JADE3: variants seen among roughly 807,000 people sequenced by gnomAD.
The protein encoded by JADE3 is protein Jade-3.
A neutral mutation model predicts 50.1 loss-of-function variants in JADE3; 2 were observed. The observed-to-expected ratio is 0.04, with a 90% confidence interval of 0.02 to 0.13. JADE3 has a LOEUF of 0.13. JADE3 is among the 10% of genes least tolerant of loss of function. JADE3 has a pLI of 1.00. For missense variants in JADE3, 475 were observed against 634.4 expected, an observed-to-expected ratio of 0.75 and a Z score of 2.70; for synonymous variants, 218 against 232.9, an observed-to-expected ratio of 0.94 and a Z score of 0.58.
At chrX:46,999,487 A>ACATATATATACATATATAACATAT (rs1556358444) in intron 4 of JADE3, among the ~76,000 whole-genome samples, 9 of 103,169 alleles carry the variant, frequency 8.7e-5, no homozygotes, top group Admixed American at 2.2e-4. Context: ...ATATATATAA[A>ACATATATATACATATATAACATAT]ATAGGGTCTT....
chrX:46,971,132 T>G (rs972764801), intron 1 of JADE3, among the ~76,000 whole-genome samples: 2 of 35,924 alleles, frequency 5.6e-5, no homozygotes, highest in Non-Finnish European at 1.2e-4. Flanking sequence ...TTTTTTTTTT[T>G]GAAACGGAGT....
chrX:47,043,493 T>A (rs1929307844), intron 8 of JADE3, among the ~76,000 whole-genome samples: 1 of 112,314 alleles, frequency 8.9e-6, no homozygotes, highest in South Asian at 3.7e-4. Flanking sequence ...GAATTCAGAA[T>A]CCCATCAGGT....
chrX:47,050,992 G>C (rs1556371847), intron 8 of JADE3, among the ~76,000 whole-genome samples: 1 of 111,884 alleles, frequency 8.9e-6, no homozygotes, highest in African/African-American at 3.2e-5. Flanking sequence ...ATTTTCGAGA[G>C]GCTTCAGTGT....
intron 4 of JADE3, among the ~76,000 whole-genome samples, chrX:47,010,436 C>G (rs1556361320): frequency 9.0e-6 from 1 of 111,364 alleles, no homozygotes; most frequent in Non-Finnish European, 1.9e-5. Context: ...CCATGTTGGT[C>G]AGGCTGGTCT....
intron 4 of JADE3, among the ~76,000 whole-genome samples, chrX:47,003,108 T>C (rs142089275): frequency 2.7e-5 from 3 of 111,845 alleles, no homozygotes; most frequent in East Asian, 2.8e-4. Flanking sequence ...ATTACATTGA[T>C]TGATTTTTTT....
At chrX:47,008,429 A>G (rs1223447815) in intron 4 of JADE3, among the ~76,000 whole-genome samples, 2 of 112,392 alleles carry the variant, frequency 1.8e-5, no homozygotes, top group African/African-American at 6.5e-5. Context: ...AAGTTATGCA[A>G]TGAAAAGGAG....
intron 8 of JADE3, among the ~76,000 whole-genome samples, chrX:47,048,396 G>T (rs1042306165): frequency 1.8e-5 from 2 of 111,902 alleles, no homozygotes; most frequent in African/African-American, 6.5e-5. Context: ...ACTGCTGCAT[G>T]AATTTTCATA....
intron 4 of JADE3, among the ~76,000 whole-genome samples, chrX:47,002,070 C>T (rs782526590): frequency 9.0e-6 from 1 of 111,020 alleles, no homozygotes; most frequent in Non-Finnish European, 1.9e-5. Context: ...ACTTTTCGTC[C>T]AGTTAAGAGG....
chrX:47,022,809 A>G (rs1569537779), intron 4 of JADE3, among the ~76,000 whole-genome samples: 1 of 110,888 alleles, frequency 9.0e-6, no homozygotes, highest in Non-Finnish European at 1.9e-5. Flanking sequence ...GGCATGAAAA[A>G]AATTTATTTT....
intron 7 of JADE3, among the ~76,000 whole-genome samples, chrX:47,035,395 A>T (rs782651815): frequency 1.6e-4 from 18 of 111,963 alleles, no homozygotes; most frequent in Non-Finnish European, 2.3e-4. Flanking sequence ...TCAGTATTTT[A>T]AAAAAATATT....
chrX:46,978,439 A>G (rs1414320408), intron 1 of JADE3, among the ~76,000 whole-genome samples: 1 of 111,602 alleles, frequency 9.0e-6, no homozygotes, highest in African/African-American at 3.3e-5. Context: ...AGGACATCCA[A>G]TGAATGAATA....
intron 4 of JADE3, among the ~76,000 whole-genome samples, chrX:47,012,515 A>G (rs1556361918): frequency 9.0e-6 from 1 of 111,121 alleles, no homozygotes; most frequent in African/African-American, 3.3e-5. Flanking sequence ...CAGGAGTTTA[A>G]GGCTGCAGTG....
At chrX:46,934,068 C>T (rs1226654213) in intron 1 of JADE3, among the ~76,000 whole-genome samples, 1 of 111,669 alleles carries the variant, frequency 9.0e-6, no homozygotes, top group African/African-American at 3.3e-5. Flanking sequence ...TTTGATTTAT[C>T]AGCAAATATT....
chrX:47,006,622 T>C (rs1441512778), intron 4 of JADE3, among the ~76,000 whole-genome samples: 5 of 109,459 alleles, frequency 4.6e-5, no homozygotes, highest in Non-Finnish European at 7.6e-5. Context: ...GTTTTTAATC[T>C]CATTGATTCC....
rs189196466 is a variant in JADE3, at chrX:47,018,580, C to T, written c.285-6144C>T. Among the ~76,000 whole-genome samples the T allele has an allele frequency of 6.8e-3, 756 of 111,756 alleles. 4 individuals carry two copies. Among genetic ancestry groups the T allele is most frequent in the South Asian group, 0.036 (95 of 2,641 alleles). ...CGATCTCCTGACCTCGTGATCCACC[C>T]GCCTCGGCCTCCCAAAGTGCTGGGA... On this transcript the variant is annotated intron_variant, in intron 4 of 10. Transcript: ENST00000614628.
chrX:46,963,928 A>AT (rs1927315800), intron 1 of JADE3, among the ~76,000 whole-genome samples: 1 of 112,149 alleles, frequency 8.9e-6, no homozygotes, highest in African/African-American at 3.2e-5. Flanking sequence ...AATTGGGGCC[A>AT]TTTTTGCTAT....
intron 1 of JADE3, among the ~76,000 whole-genome samples, chrX:46,953,684 A>G (rs1051588103): frequency 2.3e-4 from 26 of 112,289 alleles, no homozygotes; most frequent in African/African-American, 7.8e-4. Context: ...AAGAGTAAGC[A>G]GATTAGCTGC....
intron 6 of JADE3, among the ~76,000 whole-genome samples, chrX:47,031,390 A>T (rs781933738): frequency 9.0e-6 from 1 of 111,616 alleles, no homozygotes; most frequent in East Asian, 2.8e-4. Context: ...TGAGCTAAAT[A>T]CATTTGTTTT....
intron 4 of JADE3, among the ~76,000 whole-genome samples, chrX:47,007,508 A>T (rs1350651291): frequency 9.0e-6 from 1 of 111,369 alleles, no homozygotes; most frequent in Non-Finnish European, 1.9e-5. Flanking sequence ...TGACACTTTT[A>T]TCATTATATA....
Sources: gnomAD v4.1 joint callset for allele counts (sites outside exome capture counted in the v4.1 genomes callset) on GRCh38, gnomAD v4.1.1 for gene constraint, MANE v1.5 for transcripts, NCBI Gene and HGNC (gene_info 2026-07-23, HGNC 2026-07-21) for gene names.